The following MED23 variants were observed in gnomAD, a reference collection of about 807,000 sequenced individuals.
MED23 encodes the protein mediator of RNA polymerase II transcription subunit 23.
MED23 carries 105 observed loss-of-function variants against 163.9 expected under a neutral mutation model. The ratio of observed to expected loss-of-function variants is 0.64; its 90% CI spans 0.55 to 0.75. The LOEUF is 0.75. MED23 is among the 30% of genes least tolerant of loss of function. MED23 has a pLI of 0.00. For synonymous variants in MED23, 561 were observed against 565.6 expected (o/e 0.99, Z 0.12); for missense variants, 1,054 against 1,649.0 (o/e 0.64, Z 6.25).
intron 3 of MED23, among the ~76,000 whole-genome samples, 172 bp from the exon 4 acceptor site, chr6:131,625,161 A>G (rs937605274): frequency 1.3e-5 from 2 of 152,256 alleles, no homozygotes; most frequent in Non-Finnish European, 2.9e-5. Flanking sequence ...CAGATTTAGT[A>G]TTTGTCACAT....
intron 30 of MED23, among the ~76,000 whole-genome samples, chr6:131,577,047 G>T (rs1415268192): frequency 6.6e-6 from 1 of 152,048 alleles, no homozygotes; most frequent in African/African-American, 2.4e-5. Flanking sequence ...GGAAGGCAAG[G>T]TGCAGCAGGA....
chr6:131,574,330 G>C (rs754896172), intron 30 of MED23: 1 of 1,613,668 alleles, frequency 6.2e-7, no homozygotes, highest in Non-Finnish European at 8.5e-7. Flanking sequence ...AGAGGTTAGA[G>C]GCCCAAACTG....
downstream of MED23, chr6:131,583,998 C>T: frequency 7.0e-7 from 1 of 1,427,098 alleles, no homozygotes; most frequent in Non-Finnish European, 9.7e-7. Context: ...CTTCTAAAGA[C>T]TTGTTCTTTC....
rs762341691 is a variant in MED23, at chr6:131,627,501, A to G, written c.72-18T>C. On this transcript the variant is annotated intron_variant, in intron 2 of 28. Coordinates refer to ENST00000368068, the MANE Select transcript of MED23 (RefSeq NM_004830.4). ...TAAACATGCTAAAAAAATAAAAATT[A>G]CATTATTTGTCATTCGTTTTAAAAA... 3.7e-6 allele frequency: 6 copies of G among 1,605,846 alleles called. No individual in the cohort carries two copies. Among genetic ancestry groups the G allele is most frequent in the Non-Finnish European group, 5.1e-6 (6 of 1,172,722 alleles).
chr6:131,583,644 A>C, downstream of MED23: 1 of 1,523,900 alleles, frequency 6.6e-7, no homozygotes, highest in Non-Finnish European at 9.0e-7. Flanking sequence ...ATCGGTTACT[A>C]CCTTTTTCTG....
chr6:131,582,371 GC>G (rs1326702003), downstream of MED23, among the ~76,000 whole-genome samples: 1 of 152,142 alleles, frequency 6.6e-6, no homozygotes, highest in Non-Finnish European at 1.5e-5. Context: ...TTATAGAGGA[GC>G]CCTGGGAAAG....
Position 131,602,919 on chromosome 6 carries a change from A to C in MED23, c.1931+111T>G, listed in dbSNP as rs987658265. On this transcript the variant is annotated intron_variant, in intron 16 of 28. Coordinates refer to ENST00000368068, the MANE Select transcript of MED23 (RefSeq NM_004830.4). ...TAGAAGCAGAGAAGTTTTATGACAG[A>C]TGAATAATAATAAAAAAAAAAACTA... The C allele has an allele frequency of 2.6e-6, 3 of 1,135,838 alleles. No homozygotes were observed. In the African/African-American group the frequency reaches 4.8e-5, roughly 18 times the overall value. The allele number at this position is 1,135,838 out of a possible 1,614,324, so 70.4% of individuals were successfully genotyped here.
intron 30 of MED23, chr6:131,574,424 C>G: frequency 9.9e-7 from 1 of 1,013,608 alleles, no homozygotes. Flanking sequence ...ATTTTGCTGA[C>G]ACAGAAATGT....
At chr6:131,615,066 C>CAAAAAAAAAAAAAAAAAAAAAAA (rs5880072) in intron 10 of MED23, among the ~76,000 whole-genome samples, 1 of 68,242 alleles carries the variant, frequency 1.5e-5, no homozygotes, top group African/African-American at 5.4e-5. Flanking sequence ...TCTTTGTTAC[C>CAAAAAAAAAAAAAAAAAAAAAAA]AAAAAAAAAA....
intron 5 of MED23, among the ~76,000 whole-genome samples, chr6:131,622,713 A>T (rs1480309045): frequency 6.6e-6 from 1 of 152,232 alleles, no homozygotes; most frequent in African/African-American, 2.4e-5. Context: ...ATAAATCATG[A>T]TTTAAACTAA....
At position 131,590,625 on chromosome 6, in the gene MED23, A is replaced by G. The variant is rs558991554; in HGVS notation, c.3687-183T>C. Reference sequence around the variant, plus strand: ...CACTGGCTATTACTTTCACTTGATTATTTTTATTTATTTATTTTTTTGAGA... The same window carrying G: ...CACTGGCTATTACTTTCACTTGATTGTTTTTATTTATTTATTTTTTTGAGA... On this transcript the variant is annotated intron_variant, in intron 26 of 28. Transcript: ENST00000368068. Among the ~76,000 whole-genome samples the G allele has an allele frequency of 2.6e-4, 39 of 152,138 alleles. 3 individuals carry two copies. The South Asian group carries it at 7.9e-3, about 31-fold the overall frequency.
Position 131,595,968 on chromosome 6 carries a change from C to T in MED23, c.2974G>A (p.Gly992Arg). 6.2e-7 allele frequency: 1 copy of T among 1,613,800 alleles called. No homozygotes were observed. Among genetic ancestry groups the T allele is most frequent in the Non-Finnish European group, 8.5e-7 (1 of 1,179,826 alleles). ...TCACCATGAAATTTATATAAGCCTC[C>T]TAGATGATCCAGTAGAGTCTCCAGT... ...KSLETLLDHL[G>R]GLYKFHDRPV... Residue 992 changes from glycine (G) to arginine (R), a missense_variant, in exon 22 of 29, where the codon GGA (glycine) becomes AGA (arginine). By Grantham distance (125) the Gly-to-Arg change is moderately radical. Coordinates refer to ENST00000368068, the MANE Select transcript of MED23 (RefSeq NM_004830.4).
intron 22 of MED23, among the ~76,000 whole-genome samples, chr6:131,595,206 G>A (rs1774958455): frequency 6.6e-6 from 1 of 152,110 alleles, no homozygotes; most frequent in Non-Finnish European, 1.5e-5. Flanking sequence ...AATTTTAGTT[G>A]TCTTTTTCTT....
Position 131,604,182 on chromosome 6 carries a change from A to G in MED23, c.1752T>C (p.Phe584=). 1 of 1,613,694 alleles carries G rather than the reference A, an allele frequency of 6.2e-7. No individual in the cohort carries two copies. Among genetic ancestry groups the G allele is most frequent in the Non-Finnish European group, 8.5e-7 (1 of 1,179,654 alleles). Residue 584 remains phenylalanine (F), a synonymous_variant, in exon 15 of 29, where the codon TTT becomes TTC. Coordinates refer to ENST00000368068, the MANE Select transcript of MED23 (RefSeq NM_004830.4). ...CACCAGAAAGTCCTGTCTTACTGATAAATCCTTTGATGCCCAAAGACTCTA... is the reference window on the plus strand; with the variant it reads ...CACCAGAAAGTCCTGTCTTACTGATGAATCCTTTGATGCCCAAAGACTCTA... ...MEIESLGIKG[F]ISQLLPTVFK...
At chr6:131,601,325 G>A (rs1037940819) in intron 17 of MED23, among the ~76,000 whole-genome samples, 4 of 152,136 alleles carry the variant, frequency 2.6e-5, no homozygotes, top group African/African-American at 4.8e-5. Flanking sequence ...TTCTGATACT[G>A]TATAAACAAA....
chr6:131,598,648 G>A lies in MED23; in HGVS notation c.2334C>T (p.Thr778=). Residue 778 remains threonine (T), a synonymous_variant, in exon 19 of 29, where the codon ACC becomes ACT. Coordinates refer to ENST00000368068, the MANE Select transcript of MED23 (RefSeq NM_004830.4). The surrounding 1 kb of genome is among the most constrained non-coding windows in gnomAD (Gnocchi z 4.7). ...GAGGGGAGCCCTGCATAGAGAAGTG[G>A]GTAATAATGTCGTTTTCGTTGCTCA... ...KSMSNENDII[T]HFSMQGSPPL... is the part of the protein sequence containing the mutation. 6.2e-7 allele frequency: 1 copy of A among 1,613,998 alleles called. No individual in the cohort carries two copies.
intron 3 of MED23, among the ~76,000 whole-genome samples, chr6:131,625,492 G>A (rs1420261783): frequency 6.6e-6 from 1 of 152,148 alleles, no homozygotes; most frequent in Non-Finnish European, 1.5e-5. Context: ...TAAATACGAT[G>A]TCAAAATGTT....
intron 30 of MED23, chr6:131,581,515 A>C: frequency 9.3e-7 from 1 of 1,076,942 alleles, no homozygotes. Flanking sequence ...CCAATAAGCA[A>C]AGGGTTGGTT....
Position 131,599,030 on chromosome 6 carries a change from G to A in MED23, c.2221-269C>T, listed in dbSNP as rs531817637. 3.9e-5 allele frequency among the ~76,000 whole-genome samples: 6 copies of A among 152,090 alleles called. No individual in the cohort carries two copies. In the East Asian group the frequency reaches 9.7e-4, roughly 25 times the overall value. On this transcript the variant is annotated intron_variant, in intron 18 of 28. Coordinates refer to ENST00000368068, the MANE Select transcript of MED23 (RefSeq NM_004830.4). The stretch of plus-strand genomic sequence containing the variant: ...TCTTCAATCATCTGTTGATACTTCC[G>A]CCAATCTTAAAAAGAAAAAAAAGAA...
Sources: gnomAD v4.1 joint callset for allele counts (sites outside exome capture counted in the v4.1 genomes callset) on GRCh38, gnomAD v4.1.1 for gene constraint, Gnocchi (gnomAD v3.1) non-coding constraint, MANE v1.5 for transcripts, NCBI Gene and HGNC (gene_info 2026-07-23, HGNC 2026-07-21) for gene names.